Variants in AKAP13 observed in about 807,000 individuals in gnomAD.
The protein encoded by AKAP13 is A-kinase anchor protein 13.
Under a neutral mutation model 264.5 loss-of-function variants are expected in AKAP13, and 80 were observed. The observed-to-expected ratio is 0.30, with a 90% confidence interval of 0.25 to 0.36. The LOEUF (loss-of-function observed/expected upper bound fraction) is 0.36, where lower values mean the gene tolerates loss of function less well. Ranked by LOEUF, AKAP13 falls within the 10% of genes least tolerant of loss-of-function variation. The pLI is 1.00. For synonymous variants in AKAP13, 1,380 were observed against 1,250.2 expected, an observed-to-expected ratio of 1.10 and a Z score of -2.19; for missense variants, 3,712 against 3,435.2, an observed-to-expected ratio of 1.08 and a Z score of -2.01.
chr15:85,717,537 A>G lies in AKAP13; in HGVS notation c.5848+135A>G, dbSNP rs1163358360. 7.3e-6 allele frequency: 5 copies of G among 680,966 alleles called. No homozygotes were observed. The Admixed American group carries it at 9.6e-5, about 13-fold the overall frequency. The allele number at this position is 680,966 out of a possible 1,614,324, so 42.2% of individuals were successfully genotyped here. ...CGTGAAGATTCTCTAAATTGTCAGTAAAGTGTCCAGTGCTTTGTCATGACT... is the reference window on the plus strand; with the variant it reads ...CGTGAAGATTCTCTAAATTGTCAGTGAAGTGTCCAGTGCTTTGTCATGACT... On this transcript the variant is annotated intron_variant, in intron 21 of 36. Coordinates refer to ENST00000394518, the MANE Select transcript of AKAP13 (RefSeq NM_007200.5).
At chr15:85,659,026 G>A (rs1217925513) in intron 12 of AKAP13, among the ~76,000 whole-genome samples, 1 of 152,040 alleles carries the variant, frequency 6.6e-6, no homozygotes, top group Non-Finnish European at 1.5e-5. Flanking sequence ...TCAACACATT[G>A]TTTAATAATG....
intron 23 of AKAP13, among the ~76,000 whole-genome samples, chr15:85,720,131 G>C (rs1160520045): frequency 6.6e-6 from 1 of 152,010 alleles, no homozygotes; most frequent in East Asian, 1.9e-4. Flanking sequence ...CCACTCAGGA[G>C]CCCGAGGTGG....
chr15:85,624,230 A>T (rs1364787273), intron 8 of AKAP13, among the ~76,000 whole-genome samples: 1 of 150,244 alleles, frequency 6.7e-6, no homozygotes, highest in Non-Finnish European at 1.5e-5. Context: ...CTGATGATTT[A>T]TAGAGAGTAT....
chr15:85,415,266 G>A (rs1243220610), intron 1 of AKAP13: 21 of 1,579,224 alleles, frequency 1.3e-5, no homozygotes, highest in South Asian at 1.1e-5. Flanking sequence ...ATGGCGCCTG[G>A]TGGACAGCAG....
chr15:85,497,118 A>G (rs2075892730), intron 2 of AKAP13, among the ~76,000 whole-genome samples: 1 of 152,190 alleles, frequency 6.6e-6, no homozygotes, highest in Non-Finnish European at 1.5e-5. Flanking sequence ...GAGGGGATTA[A>G]AATTTCCATT....
intron 3 of AKAP13, among the ~76,000 whole-genome samples, chr15:85,527,849 A>G (rs1596444093): frequency 6.6e-6 from 1 of 152,186 alleles, no homozygotes; most frequent in Non-Finnish European, 1.5e-5. Flanking sequence ...AGGAAGAAAA[A>G]GACACCAGAT....
chr15:85,644,365 C>T lies in AKAP13; in HGVS notation c.4238-1453C>T, dbSNP rs144076679. 6.2e-3 allele frequency among the ~76,000 whole-genome samples: 948 copies of T among 151,920 alleles called. 9 individuals carry two copies. The highest frequency in any genetic ancestry group is 0.021 in the African/African-American group (891 of 41,500). ...AAGCGATTCTTCTGCCTCAGCCTCC[C>T]AAGTAGCTGGGATTACAGGCACCTG... On this transcript the variant is annotated intron_variant, in intron 9 of 36. Transcript: ENST00000394518.
At chr15:85,631,101 A>G (rs537221839) in intron 8 of AKAP13, among the ~76,000 whole-genome samples, 1 of 152,190 alleles carries the variant, frequency 6.6e-6, no homozygotes, top group East Asian at 1.9e-4. Context: ...GAAATAAAAG[A>G]AGTAAAGTAC....
chr15:85,424,309 G>T (rs1172676275), intron 1 of AKAP13, among the ~76,000 whole-genome samples: 1 of 152,224 alleles, frequency 6.6e-6, no homozygotes, highest in East Asian at 1.9e-4. Flanking sequence ...TGTCTAGATT[G>T]TCTGGATAAC....
At chr15:85,631,505 CACACACACACACA>C in intron 8 of AKAP13, among the ~76,000 whole-genome samples, 1 of 8,908 alleles carries the variant, frequency 1.1e-4, no homozygotes, top group African/African-American at 2.8e-4. Flanking sequence ...CTCTCTCTCA[CACACACACACACA>C]CACACACACA....
intron 8 of AKAP13, among the ~76,000 whole-genome samples, chr15:85,633,516 T>C (rs1020246811): frequency 3.3e-5 from 5 of 150,280 alleles, no homozygotes; most frequent in Non-Finnish European, 7.4e-5. Context: ...GAGAAAATTC[T>C]CTGAATGACT....
chr15:85,620,087 G>A (rs1286878107), intron 8 of AKAP13: 3 of 1,535,880 alleles, frequency 2.0e-6, no homozygotes, highest in Non-Finnish European at 2.6e-6. Context: ...TTGCATTTGG[G>A]CAAAATGTAT....
At chr15:85,436,775 C>G (rs954706001) in intron 1 of AKAP13, among the ~76,000 whole-genome samples, 1 of 151,852 alleles carries the variant, frequency 6.6e-6, no homozygotes, top group African/African-American at 2.4e-5. Context: ...CCAACGAGAA[C>G]GAAGACACAA....
In AKAP13 at chr15:85,740,952, T is replaced by C; in HGVS notation, c.7609-94T>C. The stretch of plus-strand genomic sequence containing the variant: ...AGGGGAGAGTTCTAGTCCGTCATAG[T>C]GCCTGGTGCCCCCTGCTGTGGGGTC... On this transcript the variant is annotated intron_variant, in intron 34 of 36. Transcript: ENST00000394518. The C allele has an allele frequency of 4.0e-6, 6 of 1,508,734 alleles. No individual in the cohort carries two copies. The South Asian group carries it at 8.1e-5, about 20-fold the overall frequency. The allele number at this position is 1,508,734 out of a possible 1,614,324, so 93.5% of individuals were successfully genotyped here.
At chr15:85,662,502 C>T (rs374263455) in intron 12 of AKAP13, 21 of 1,607,184 alleles carry the variant, frequency 1.3e-5, no homozygotes, top group Middle Eastern at 1.6e-4. Context: ...CCATAAAATA[C>T]GCCATCAGGG....
chr15:85,677,792 G>A (rs140396794), intron 14 of AKAP13, among the ~76,000 whole-genome samples: 4,895 of 151,876 alleles, frequency 0.032, 161 homozygotes, highest in East Asian at 0.17. Flanking sequence ...GACTACAGGC[G>A]TCCGCCACCA....
At chr15:85,600,533 A>C (rs1187843647) in intron 8 of AKAP13, among the ~76,000 whole-genome samples, 1 of 152,198 alleles carries the variant, frequency 6.6e-6, no homozygotes, top group African/African-American at 2.4e-5. Context: ...AAGTAGAGGC[A>C]CTGCTGGGCC....
intron 1 of AKAP13, among the ~76,000 whole-genome samples, chr15:85,455,888 G>A (rs1455151617): frequency 6.6e-6 from 1 of 152,150 alleles, no homozygotes; most frequent in Non-Finnish European, 1.5e-5. Context: ...CTGGGACTTA[G>A]GATGTATCTC....
chr15:85,577,413 T>C (rs1172508809), intron 6 of AKAP13, among the ~76,000 whole-genome samples: 3 of 152,226 alleles, frequency 2.0e-5, no homozygotes, highest in Non-Finnish European at 2.9e-5. Flanking sequence ...AATTTTGATA[T>C]AAAGGTAAAA....
Sources: allele counts gnomAD v4.1 joint callset (sites outside exome capture counted in the v4.1 genomes callset), GRCh38; gene constraint gnomAD v4.1.1; transcripts MANE v1.5; gene names NCBI Gene and HGNC (gene_info 2026-07-23, HGNC 2026-07-21).